Variants in SRGAP3 observed in about 807,000 individuals in gnomAD.
The protein encoded by SRGAP3 is SLIT-ROBO Rho GTPase activating protein 3.
In SRGAP3, 39 loss-of-function variants were observed where a neutral mutation model predicts 121.1. The observed-to-expected ratio is 0.32, with a 90% CI of 0.25 to 0.42. SRGAP3 has a LOEUF of 0.42. Ranked by LOEUF, SRGAP3 falls within the 10% of genes least tolerant of loss-of-function variation. The pLI is 1.00. For missense variants in SRGAP3, 1,213 were observed against 1,470.6 expected (o/e 0.82, Z 2.86); for synonymous variants, 601 against 570.0 (o/e 1.05, Z -0.77).
chr3:9,280,289 C>T (rs1260483482), intron 3 of SRGAP3, among the ~76,000 whole-genome samples: 2 of 152,216 alleles, frequency 1.3e-5, no homozygotes, highest in Admixed American at 6.5e-5. Flanking sequence ...ATGATAGCTT[C>T]GAAAGCAGAG....
At chr3:9,281,026 C>T (rs771645620) in intron 3 of SRGAP3, among the ~76,000 whole-genome samples, 22 of 152,228 alleles carry the variant, frequency 1.4e-4, no homozygotes, top group Admixed American at 2.6e-4. Context: ...TTCTAGTTCC[C>T]GGCCTCTAGG....
chr3:9,332,789 G>C (rs1306897776), intron 1 of SRGAP3, among the ~76,000 whole-genome samples: 1 of 152,114 alleles, frequency 6.6e-6, no homozygotes, highest in Non-Finnish European at 1.5e-5. Context: ...AGAAGGCAAG[G>C]GTCATTTACC....
intron 3 of SRGAP3, among the ~76,000 whole-genome samples, chr3:9,323,891 G>A (rs560061360): frequency 4.0e-5 from 6 of 151,234 alleles, no homozygotes; most frequent in East Asian, 1.9e-4. Context: ...AAACTTCAGC[G>A]GAATTAAATT....
rs116117402 is a variant in SRGAP3 at position 9,165,399 on chromosome 3, C to T, written c.68-40482G>A. Among the ~76,000 whole-genome samples, 358 of 152,248 alleles carry T rather than the reference C, an allele frequency of 2.4e-3. 3 individuals carry two copies. The highest frequency in any genetic ancestry group is 8.3e-3 in the African/African-American group (343 of 41,542). On this transcript the variant is annotated intron_variant, in intron 1 of 21. Coordinates refer to ENST00000383836, the MANE Select transcript of SRGAP3 (RefSeq NM_014850.4). Reference sequence around the variant, plus strand: ...CTGTCCCTCTTCTCTGCTCCTAACCCCCTCCTTCATCATCCCTGTGAGCCA... The same window carrying T: ...CTGTCCCTCTTCTCTGCTCCTAACCTCCTCCTTCATCATCCCTGTGAGCCA...
chr3:8,987,442 G>A (rs765793483), intron 21 of SRGAP3, among the ~76,000 whole-genome samples: 17 of 152,178 alleles, frequency 1.1e-4, no homozygotes, highest in Non-Finnish European at 1.5e-4. Flanking sequence ...TAAAAAGTAT[G>A]AGTCTGGTGA....
chr3:9,259,029 T>C (rs1485778110), intron 3 of SRGAP3, among the ~76,000 whole-genome samples: 1 of 152,188 alleles, frequency 6.6e-6, no homozygotes, highest in Non-Finnish European at 1.5e-5. Flanking sequence ...TAAGCCCATC[T>C]CTTGCTTCTC....
intron 3 of SRGAP3, among the ~76,000 whole-genome samples, chr3:9,099,187 A>T (rs1375511337): frequency 6.6e-6 from 1 of 152,220 alleles, no homozygotes; most frequent in African/African-American, 2.4e-5. Flanking sequence ...CGAGGCGGGA[A>T]CGAGAAAACT....
At chr3:9,151,771 T>C (rs893351827) in intron 1 of SRGAP3, among the ~76,000 whole-genome samples, 2 of 152,080 alleles carry the variant, frequency 1.3e-5, no homozygotes, top group African/African-American at 4.8e-5. Context: ...TGTCTAGGGG[T>C]GGCCAGCAAG....
intron 3 of SRGAP3, among the ~76,000 whole-genome samples, chr3:9,254,895 A>G (rs2600187): frequency 0.14 from 20,804 of 149,078 alleles, 1,565 homozygotes; most frequent in East Asian, 0.26. Context: ...GAAAGAAAAG[A>G]AAGGAAGGAA....
intron 4 of SRGAP3, among the ~76,000 whole-genome samples, chr3:9,075,383 G>C (rs1416144372): frequency 7.0e-6 from 1 of 142,854 alleles, no homozygotes; most frequent in Non-Finnish European, 1.5e-5. Flanking sequence ...AAGTGTGTGT[G>C]TGTGTGTGCG....
At chr3:9,101,102 G>A (rs1057105654) in intron 3 of SRGAP3, among the ~76,000 whole-genome samples, 2 of 152,196 alleles carry the variant, frequency 1.3e-5, no homozygotes, top group South Asian at 2.1e-4. Flanking sequence ...TTCGGCATTC[G>A]GGAGAATTTT....
intron 1 of SRGAP3, among the ~76,000 whole-genome samples, chr3:9,158,359 A>T (rs1950492780): frequency 1.3e-5 from 2 of 152,194 alleles, no homozygotes; most frequent in South Asian, 2.1e-4. Flanking sequence ...GCTCATTCAC[A>T]TGCAGCCCCC....
chr3:9,104,283 T>G (rs1324058976), intron 3 of SRGAP3, among the ~76,000 whole-genome samples: 2 of 152,158 alleles, frequency 1.3e-5, no homozygotes, highest in African/African-American at 4.8e-5. Flanking sequence ...TCTCAGAAAA[T>G]GCATTTGCGT....
chr3:9,332,425 A>C (rs1453907215), intron 1 of SRGAP3, among the ~76,000 whole-genome samples: 7 of 152,122 alleles, frequency 4.6e-5, no homozygotes, highest in Non-Finnish European at 1.0e-4. Context: ...CAGCCCAGTG[A>C]GGTTATCTTG....
At chr3:9,058,201 G>A (rs1210510614) in intron 7 of SRGAP3, 50 bp downstream of exon 7, 2 of 1,587,542 alleles carry the variant, frequency 1.3e-6, no homozygotes, top group East Asian at 2.2e-5. Context: ...GGAGCACATG[G>A]GGGAACAGAG....
intron 1 of SRGAP3, among the ~76,000 whole-genome samples, chr3:9,207,641 G>C (rs555762681): frequency 1.4e-4 from 22 of 152,270 alleles, no homozygotes; most frequent in South Asian, 1.2e-3. Context: ...GTCCAGTAAA[G>C]GCCTCAGCAG....
chr3:9,052,563 G>A (rs867254483), intron 9 of SRGAP3, among the ~76,000 whole-genome samples: 9 of 152,126 alleles, frequency 5.9e-5, no homozygotes, highest in Admixed American at 2.0e-4. Context: ...CTGTCCAAAT[G>A]AAAGATAATT....
rs1949847755 is a variant in SRGAP3 at position 9,141,553 on chromosome 3, G to GTGTGTGTGTGTGTGT, written c.68-16637_68-16636insACACACACACACACA. 1.7e-3 allele frequency among the ~76,000 whole-genome samples: 242 copies of GTGTGTGTGTGTGTGT among 138,462 alleles called. 6 individuals are homozygous for GTGTGTGTGTGTGTGT. The highest frequency in any genetic ancestry group is 6.3e-3 in the African/African-American group (230 of 36,470). The allele number at this position is 138,462 out of a possible 152,430, so 90.8% of individuals were successfully genotyped here. ...GAAACAAGAAGGATCTGACTTCAGG[G>GTGTGTGTGTGTGTGT]GTGTGTGTGTGTGTGTGTGTGTGTG... On this transcript the variant is annotated intron_variant, in intron 1 of 21. Coordinates refer to ENST00000383836, the MANE Select transcript of SRGAP3 (RefSeq NM_014850.4).
upstream of SRGAP3, among the ~76,000 whole-genome samples, chr3:9,251,191 G>A (rs1004129321): frequency 9.9e-5 from 15 of 152,148 alleles, no homozygotes; most frequent in African/African-American, 3.6e-4. Context: ...CATGAGCTGG[G>A]GCCCACAGGT....
Sources: allele counts gnomAD v4.1 joint callset (sites outside exome capture counted in the v4.1 genomes callset), GRCh38; gene constraint gnomAD v4.1.1; transcripts MANE v1.5; gene names NCBI Gene and HGNC (gene_info 2026-07-23, HGNC 2026-07-21).